The following TINAG variants were observed in gnomAD, a reference collection of about 807,000 sequenced individuals.
TINAG encodes tubulointerstitial nephritis antigen.
In TINAG, 83 loss-of-function variants were observed where a neutral mutation model predicts 72.7. That is an observed-to-expected ratio of 1.14 (90% CI 0.96 to 1.37). The LOEUF (loss-of-function observed/expected upper bound fraction) is 1.37, where lower values mean the gene tolerates loss of function less well. Among genes scored for constraint, TINAG ranks in the 40% most tolerant of loss-of-function variants. The pLI, the probability that TINAG is intolerant of heterozygous loss-of-function variation, is 0.00. For missense variants in TINAG, 685 were observed against 576.6 expected (o/e 1.19, Z -1.93); for synonymous variants, 234 against 189.9 (o/e 1.23, Z -1.91).
At chr6:54,351,139 G>C (rs9474819) in intron 7 of TINAG, among the ~76,000 whole-genome samples, 28,013 of 151,826 alleles carry the variant, frequency 0.18, 2,722 homozygotes, top group African/African-American at 0.2. Flanking sequence ...ATTGTATTTT[G>C]TCTCCACTCC....
chr6:54,328,917 T>C (rs1310178271), intron 4 of TINAG, among the ~76,000 whole-genome samples: 1 of 151,540 alleles, frequency 6.6e-6, no homozygotes, highest in Non-Finnish European at 1.5e-5. Flanking sequence ...GAAGGCAAGA[T>C]TAAAGAAAAA....
chr6:54,308,394 T>G, upstream of TINAG: 4 of 659,904 alleles, frequency 6.1e-6, no homozygotes, highest in Non-Finnish European at 1.0e-5. Flanking sequence ...TTGATTAATG[T>G]TTAACTATGA....
At chr6:54,341,559 T>TC (rs141525250) in intron 4 of TINAG, among the ~76,000 whole-genome samples, 22,331 of 152,012 alleles carry the variant, frequency 0.15, 1,821 homozygotes, top group Non-Finnish European at 0.18. Flanking sequence ...AAAACTGAAC[T>TC]CCCCTATTAA....
At position 54,321,284 on chromosome 6, in the gene TINAG, C is replaced by T; in HGVS notation, c.420-13C>T. 1 of 1,610,148 alleles carries T rather than the reference C, an allele frequency of 6.2e-7. No homozygotes were observed. Among genetic ancestry groups the T allele is most frequent in the Non-Finnish European group, 8.5e-7 (1 of 1,176,956 alleles). Reference sequence around the variant, plus strand: ...AAGACCAAGCCACTTTTGTAATTGTCATATCTTTGCAGCACATGCTCAGGA... The same window carrying T: ...AAGACCAAGCCACTTTTGTAATTGTTATATCTTTGCAGCACATGCTCAGGA... On this transcript the variant is annotated splice_polypyrimidine_tract_variant and intron_variant, in intron 2 of 10. Coordinates refer to ENST00000259782, the MANE Select transcript of TINAG (RefSeq NM_014464.4).
intron 1 of TINAG, among the ~76,000 whole-genome samples, chr6:54,309,358 A>G (rs1784186258): frequency 6.6e-6 from 1 of 152,206 alleles, no homozygotes; most frequent in African/African-American, 2.4e-5. Context: ...CTAGCATTAG[A>G]AACTGTGGTA....
intron 10 of TINAG, among the ~76,000 whole-genome samples, chr6:54,383,088 C>G (rs1371482245): frequency 2.0e-5 from 3 of 152,076 alleles, no homozygotes; most frequent in African/African-American, 7.2e-5. Context: ...TCTCTTTGAG[C>G]CTCTAGAGGA....
intron 10 of TINAG, among the ~76,000 whole-genome samples, chr6:54,381,019 G>A (rs1381887315): frequency 6.9e-6 from 1 of 145,880 alleles, no homozygotes; most frequent in Non-Finnish European, 1.5e-5. Context: ...TATTTAGATG[G>A]CAATGAACTT....
intron 9 of TINAG, among the ~76,000 whole-genome samples, 200 bp from the exon 10 acceptor site, chr6:54,380,326 G>A (rs1763908413): frequency 6.6e-6 from 1 of 152,032 alleles, no homozygotes; most frequent in Admixed American, 6.6e-5. Context: ...AGTCTGTTCT[G>A]TGCACATAAA....
intron 1 of TINAG, among the ~76,000 whole-genome samples, chr6:54,310,937 C>A (rs927041934): frequency 7.7e-5 from 11 of 143,568 alleles, no homozygotes; most frequent in African/African-American, 2.8e-4. Flanking sequence ...CTCTTTCTTT[C>A]TTTTTTTCTC....
intron 9 of TINAG, among the ~76,000 whole-genome samples, chr6:54,358,252 TA>T (rs1284034591): frequency 6.6e-6 from 1 of 151,866 alleles, no homozygotes; most frequent in East Asian, 1.9e-4. Flanking sequence ...GCTTTATTTT[TA>T]AAAATTTTAT....
At chr6:54,341,899 GT>G (rs1353858941) in intron 4 of TINAG, among the ~76,000 whole-genome samples, 4 of 152,114 alleles carry the variant, frequency 2.6e-5, no homozygotes, top group African/African-American at 9.7e-5. Flanking sequence ...GACTCAACAT[GT>G]CTTTTAACTG....
At chr6:54,343,373 T>G (rs1785046557) in intron 5 of TINAG, 24 bp downstream of exon 5, 1 of 1,492,302 alleles carries the variant, frequency 6.7e-7, no homozygotes, top group Admixed American at 2.0e-5. Context: ...TTTAATTCCT[T>G]CCTTATAAAC....
At chr6:54,380,444 G>C in intron 9 of TINAG, 82 bp from the exon 10 acceptor site, 1 of 1,162,814 alleles carries the variant, frequency 8.6e-7, no homozygotes, top group Non-Finnish European at 1.3e-6. Context: ...AAAGATGTAG[G>C]AATGACAATA....
At chr6:54,317,314 C>A (rs1228811584) in intron 1 of TINAG, among the ~76,000 whole-genome samples, 3 of 152,078 alleles carry the variant, frequency 2.0e-5, no homozygotes, top group Non-Finnish European at 4.4e-5. Flanking sequence ...TGTGTCACCA[C>A]CCAAATCTCA....
intron 6 of TINAG, among the ~76,000 whole-genome samples, chr6:54,349,329 G>A (rs1227181766): frequency 2.0e-5 from 3 of 151,766 alleles, no homozygotes; most frequent in African/African-American, 7.2e-5. Context: ...CAGATTCATT[G>A]TCTGGTTTAT....
chr6:54,317,205 A>G (rs1214720872), intron 1 of TINAG, among the ~76,000 whole-genome samples: 1 of 151,908 alleles, frequency 6.6e-6, no homozygotes, highest in Non-Finnish European at 1.5e-5. Flanking sequence ...TTATCTTTTC[A>G]ATACCTCCAT....
intron 4 of TINAG, among the ~76,000 whole-genome samples, chr6:54,339,867 G>A (rs982362583): frequency 6.6e-6 from 1 of 152,088 alleles, no homozygotes; most frequent in Admixed American, 6.5e-5. Context: ...GTCACTATAA[G>A]CATCCAAGCT....
At chr6:54,377,373 A>G (rs9296755) in intron 9 of TINAG, among the ~76,000 whole-genome samples, 40,906 of 151,820 alleles carry the variant, frequency 0.27, 6,059 homozygotes, top group East Asian at 0.38. Flanking sequence ...TCAGCTGAGC[A>G]CAGTGGCACA....
At chr6:54,357,423 C>T (rs1763086874) in intron 9 of TINAG, among the ~76,000 whole-genome samples, 2 of 151,922 alleles carry the variant, frequency 1.3e-5, no homozygotes, top group African/African-American at 2.4e-5. Context: ...CTCATACATT[C>T]TATGACCTAT....
Sources: gnomAD v4.1 joint callset for allele counts (sites outside exome capture counted in the v4.1 genomes callset) on GRCh38, gnomAD v4.1.1 for gene constraint, MANE v1.5 for transcripts, NCBI Gene and HGNC (gene_info 2026-07-23, HGNC 2026-07-21) for gene names.